The following RPS4Y1 variants were observed in gnomAD, a reference collection of about 807,000 sequenced individuals.
RPS4Y1 encodes the protein small ribosomal subunit protein eS4, Y isoform 1.
For missense variants in RPS4Y1, 30 were observed against 60.9 expected, an observed-to-expected ratio of 0.49 and a Z score of 1.69; for synonymous variants, 23 against 20.8, an observed-to-expected ratio of 1.10 and a Z score of -0.28.
At chrY:2,862,989 A>G (rs922482309) in intron 5 of RPS4Y1, among the ~76,000 whole-genome samples, 9 of 33,684 alleles carry the variant, frequency 2.7e-4, no homozygotes, top group Admixed American at 5.3e-4. Context: ...TTTCTATTCT[A>G]TTGTCCCTGT....
intron 4 of RPS4Y1, among the ~76,000 whole-genome samples, chrY:2,850,742 G>A (rs565715309): frequency 3.0e-5 from 1 of 33,331 alleles, no homozygotes; most frequent in African/African-American, 1.2e-4. Context: ...TCAGCAGGCC[G>A]TGATGCAAAG....
intron 4 of RPS4Y1, among the ~76,000 whole-genome samples, chrY:2,847,641 C>T (rs750244617): frequency 3.0e-5 from 1 of 33,266 alleles, no homozygotes; most frequent in South Asian, 6.9e-4. Context: ...AATATACATC[C>T]CCAGCTGTGG....
At chrY:2,864,389 C>CT (rs2051165718) in intron 5 of RPS4Y1, among the ~76,000 whole-genome samples, 3 of 29,052 alleles carry the variant, frequency 1.0e-4, no homozygotes, top group East Asian at 8.8e-4. Flanking sequence ...GTCCTTTTTC[C>CT]TTTTTTTTTT....
At chrY:2,842,268 T>G (rs34402762) in intron 2 of RPS4Y1, 26 bp downstream of exon 2, 365 of 338,934 alleles carry the variant, frequency 1.1e-3, no homozygotes, top group Admixed American at 3.4e-3. Flanking sequence ...TTTTTTGTGG[T>G]TTTTTTTTGT....
intron 4 of RPS4Y1, among the ~76,000 whole-genome samples, chrY:2,846,618 G>A (rs770051561): frequency 1.7e-3 from 58 of 33,824 alleles, no homozygotes; most frequent in Admixed American, 4.5e-3. Context: ...TTATTTGGTC[G>A]TGTCCCTTGA....
intron 5 of RPS4Y1, among the ~76,000 whole-genome samples, chrY:2,859,919 T>C (rs750968138): frequency 6.1e-4 from 20 of 32,669 alleles, no homozygotes; most frequent in South Asian, 2.8e-3. Context: ...TTGAAAGTTA[T>C]GGTATTCTTG....
intron 4 of RPS4Y1, among the ~76,000 whole-genome samples, chrY:2,853,881 G>A (rs2051157872): frequency 4.8e-4 from 15 of 31,268 alleles, no homozygotes; most frequent in African/African-American, 7.6e-4. Context: ...TGCCCAGGCT[G>A]GAGTGCAGTG....
rs2051158619 is a variant in RPS4Y1, at chrY:2,854,641, G to C, written c.402G>C (p.Lys134Asn). Residue 134 changes from lysine (K) to asparagine (N), a missense_variant, in exon 5 of 7, where the codon AAG becomes AAC. Lys to Asn is a moderately conservative substitution (Grantham distance 94, BLOSUM62 0). Transcript: ENST00000250784. ...TGAGGAAGATTACTGTGGGAGTGAA[G>C]GGAATCCCTCACCTGGTGACTCATG... ...CKVRKITVGV[K>N]GIPHLVTHDA... 2 of 393,951 alleles carry C rather than the reference G, an allele frequency of 5.1e-6. No homozygotes were observed. The highest frequency in any genetic ancestry group is 1.3e-4 in the African/African-American group (2 of 15,403).
intron 4 of RPS4Y1, among the ~76,000 whole-genome samples, chrY:2,851,591 T>C (rs761595210): frequency 3.0e-5 from 1 of 33,366 alleles, no homozygotes; most frequent in South Asian, 6.9e-4. Context: ...TGGGCTTTGA[T>C]AGGCATATTA....
intron 2 of RPS4Y1, among the ~76,000 whole-genome samples, chrY:2,843,208 A>G (rs2051150357): frequency 3.0e-5 from 1 of 33,317 alleles, no homozygotes. Context: ...ACCTCCCTGG[A>G]TGGGCCATTG....
chrY:2,859,785 T>C, intron 5 of RPS4Y1, among the ~76,000 whole-genome samples: 1 of 33,795 alleles, frequency 3.0e-5, no homozygotes, highest in Non-Finnish European at 7.4e-5. Flanking sequence ...TTCTTTCTTT[T>C]TTTCATATGG....
chrY:2,850,840 C>CT (rs1256704401), intron 4 of RPS4Y1, among the ~76,000 whole-genome samples: 1,242 of 18,416 alleles, frequency 0.067, no homozygotes, highest in Non-Finnish European at 0.12. Flanking sequence ...GGGTTTCTTT[C>CT]TTTTTTTTTT....
At chrY:2,864,315 AGTATTAAG>A (rs2051165542) in intron 5 of RPS4Y1, among the ~76,000 whole-genome samples, 1 of 32,761 alleles carries the variant, frequency 3.1e-5, no homozygotes, top group South Asian at 6.8e-4. Flanking sequence ...TTGTTTTGTT[AGTATTAAG>A]ACAGGGCTTT....
intron 5 of RPS4Y1, among the ~76,000 whole-genome samples, chrY:2,857,498 C>T (rs1603309155): frequency 3.0e-5 from 1 of 33,874 alleles, no homozygotes; most frequent in East Asian, 7.7e-4. Context: ...TCACTGCAAC[C>T]TCCATCTCCT....
intron 4 of RPS4Y1, among the ~76,000 whole-genome samples, chrY:2,851,598 A>G: frequency 3.0e-5 from 1 of 33,085 alleles, no homozygotes. Flanking sequence ...TGATAGGCAT[A>G]TTATACCCCA....
chrY:2,859,750 T>G, intron 5 of RPS4Y1, among the ~76,000 whole-genome samples: 1 of 33,812 alleles, frequency 3.0e-5, no homozygotes, highest in Non-Finnish European at 7.4e-5. Context: ...TTTACCTTTA[T>G]CAGAAAGCTT....
chrY:2,844,191 A>G lies in RPS4Y1; in HGVS notation c.196A>G (p.Met66Val). The change falls in exon 3 of 7, where the codon ATG becomes GTG. Residue 66 changes from methionine (M) to valine (V), a missense_variant. By Grantham distance (21) the Met-to-Val change is conservative. Coordinates refer to ENST00000250784, the MANE Select transcript of RPS4Y1 (RefSeq NM_001008.4). ...TGGAGATGAGGTAAAGAAGATATGT[A>G]TGCAACGTTTCATCAAAATTGATGG... ...LTGDEVKKIC[M>V]QRFIKIDGKV... The G allele has an allele frequency of 2.5e-6, 1 of 397,991 alleles. No homozygotes were observed. Among genetic ancestry groups the G allele is most frequent in the South Asian group, 3.0e-5 (1 of 33,765 alleles).
intron 4 of RPS4Y1, among the ~76,000 whole-genome samples, chrY:2,852,757 C>T (rs2051156983): frequency 3.0e-5 from 1 of 33,477 alleles, no homozygotes; most frequent in Non-Finnish European, 7.4e-5. Context: ...TTGGATATGC[C>T]AGGCTGATGA....
chrY:2,845,261 C>T, intron 3 of RPS4Y1, among the ~76,000 whole-genome samples: 1 of 32,249 alleles, frequency 3.1e-5, no homozygotes. Context: ...ATTGGGCAGC[C>T]TGCTGAGCCT....
Sources: allele counts gnomAD v4.1 joint callset (sites outside exome capture counted in the v4.1 genomes callset), GRCh38; gene constraint gnomAD v4.1.1; transcripts MANE v1.5; gene names NCBI Gene and HGNC (gene_info 2026-07-23, HGNC 2026-07-21).